NEK8: variants seen among roughly 807,000 people sequenced by gnomAD.
NEK8 encodes the protein serine/threonine-protein kinase Nek8.
A neutral mutation model predicts 77.2 loss-of-function variants in NEK8; 51 were observed. The observed-to-expected ratio is 0.66, with a 90% CI of 0.53 to 0.83. The LOEUF is 0.83. Ranked by LOEUF, NEK8 falls within the 40% of genes least tolerant of loss-of-function variation. The pLI, the probability that NEK8 is intolerant of heterozygous loss-of-function variation, is 0.00. For missense variants in NEK8, 787 were observed against 909.2 expected (o/e 0.87, Z 1.73); for synonymous variants, 365 against 363.2 (o/e 1.00, Z -0.06).
chr17:28,732,545 CTTTTTTTTT>C (rs1054257308), intron 1 of NEK8, among the ~76,000 whole-genome samples: 1 of 77,912 alleles, frequency 1.3e-5, no homozygotes. Context: ...TTTTTCTTTT[CTTTTTTTTT>C]TTTTTTTTTT....
intron 7 of NEK8, 30 bp from the exon 8 acceptor site, chr17:28,738,065 C>A: frequency 1.2e-6 from 2 of 1,612,656 alleles, no homozygotes; most frequent in Admixed American, 1.7e-5. Flanking sequence ...TTGGGGTGCT[C>A]AGGCGCTGCC....
intron 1 of NEK8, among the ~76,000 whole-genome samples, chr17:28,733,426 A>G (rs369381675): frequency 1.2e-4 from 19 of 152,200 alleles, no homozygotes; most frequent in African/African-American, 4.3e-4. Context: ...CACTCATTCA[A>G]CAAATACTTA....
chr17:28,737,638 G>T lies in NEK8; in HGVS notation c.828-37G>T. On this transcript the variant is annotated intron_variant, in intron 5 of 14. Transcript: ENST00000268766. The surrounding 1 kb of genome is among the most constrained non-coding windows in gnomAD (Gnocchi z 4.8). The stretch of plus-strand genomic sequence containing the variant: ...CCCTTCCTGCATGTAGGAATGTCAG[G>T]AGGGTCTTTGTCCTTAGGCCCCCAT... The T allele has an allele frequency of 4.3e-6, 7 of 1,614,192 alleles. No homozygotes were observed. The highest frequency in any genetic ancestry group is 5.9e-6 in the Non-Finnish European group (7 of 1,180,018).
chr17:28,736,645 A>T (rs898755770), intron 4 of NEK8, among the ~76,000 whole-genome samples: 6 of 151,960 alleles, frequency 3.9e-5, no homozygotes, highest in Non-Finnish European at 8.8e-5. Flanking sequence ...AATTTGTTTG[A>T]GTTCTTTGTA....
intron 1 of NEK8, among the ~76,000 whole-genome samples, chr17:28,731,278 G>A (rs12948278): frequency 0.52 from 79,450 of 151,554 alleles, 24,537 homozygotes; most frequent in Non-Finnish European, 0.68. Flanking sequence ...TGGGGGTCAT[G>A]CCTGTAATCC....
intron 1 of NEK8, among the ~76,000 whole-genome samples, chr17:28,731,660 G>A (rs1478381629): frequency 6.6e-6 from 1 of 150,702 alleles, no homozygotes; most frequent in East Asian, 2.0e-4. Flanking sequence ...CTAGAGTGCA[G>A]TGGCACCATC....
chr17:28,733,538 T>C (rs1017980816), intron 1 of NEK8, among the ~76,000 whole-genome samples: 1 of 147,782 alleles, frequency 6.8e-6, no homozygotes, highest in Non-Finnish European at 1.6e-5. Flanking sequence ...ACCACAGAAT[T>C]AAAATAAAAT....
intron 1 of NEK8, among the ~76,000 whole-genome samples, chr17:28,733,576 G>A (rs1039260102): frequency 2.6e-5 from 4 of 152,174 alleles, no homozygotes; most frequent in South Asian, 2.1e-4. Flanking sequence ...TTCATTGAGC[G>A]TTTTCTTTGT....
chr17:28,734,561 G>A (rs2034342549), intron 2 of NEK8: 1 of 591,674 alleles, frequency 1.7e-6, no homozygotes, highest in Non-Finnish European at 3.0e-6. Context: ...GCAGGCACCT[G>A]TAGTCCCAGC....
chr17:28,730,846 A>G (rs2151730535), intron 1 of NEK8, among the ~76,000 whole-genome samples: 1 of 152,192 alleles, frequency 6.6e-6, no homozygotes, highest in African/African-American at 2.4e-5. Flanking sequence ...TCACTTGAGC[A>G]TGGGAGGTGG....
chr17:28,733,534 G>T (rs1201964013), intron 1 of NEK8, among the ~76,000 whole-genome samples: 2 of 152,104 alleles, frequency 1.3e-5, no homozygotes, highest in Non-Finnish European at 2.9e-5. Context: ...ACTAACCACA[G>T]AATTAAAATA....
chr17:28,737,239 G>T lies in NEK8; in HGVS notation c.619-67G>T. ...AGGCAAAGCTGTTATTATCCCAGGA[G>T]ACCAGGGGCTGGAGCTGGGGGGTGC... On this transcript the variant is annotated intron_variant, in intron 4 of 14. Coordinates refer to ENST00000268766, the MANE Select transcript of NEK8 (RefSeq NM_178170.3). This position sits in a 1 kb window ranked among gnomAD's most constrained non-coding sequence, Gnocchi z 4.8. The T allele has an allele frequency of 1.3e-6, 2 of 1,498,976 alleles. No individual in the cohort carries two copies. Among genetic ancestry groups the T allele is most frequent in the South Asian group, 1.2e-5 (1 of 83,122 alleles). The allele number at this position is 1,498,976 out of a possible 1,614,324, so 92.9% of individuals were successfully genotyped here. A position where few individuals can be genotyped will look rare whatever the true frequency, so the allele number is the denominator to read the frequency against.
Position 28,737,432 on chromosome 17 carries a change from C to G in NEK8, c.745C>G (p.Leu249Val). Reference sequence around the variant, plus strand: ...CCTGGAGCCTGCCCAGCGGCCACCACTCAGCCACATCATGGCACAGCCCCT... The same window carrying G: ...CCTGGAGCCTGCCCAGCGGCCACCAGTCAGCCACATCATGGCACAGCCCCT... Reference protein sequence around the residue: ...LSLEPAQRPPLSHIMAQPLCI... With the variant: ...LSLEPAQRPPVSHIMAQPLCI... The change falls in exon 5 of 15, where the codon CTC becomes GTC. Residue 249 changes from leucine to valine, a missense_variant. Around this residue, in one of 2 missense-constraint regions of NEK8, gnomAD observed 271 missense variants for 365.1 expected, o/e 0.74. Coordinates refer to ENST00000268766, the MANE Select transcript of NEK8 (RefSeq NM_178170.3). The surrounding 1 kb of genome is among the most constrained non-coding windows in gnomAD (Gnocchi z 4.8). The G allele has an allele frequency of 6.2e-7, 1 of 1,613,378 alleles. No individual in the cohort carries two copies. The highest frequency in any genetic ancestry group is 8.5e-7 in the Non-Finnish European group (1 of 1,180,024).
Position 28,741,996 on chromosome 17 carries a change from G to T in NEK8, c.*9G>T, listed in dbSNP as rs747845325. 15 of 1,613,828 alleles carry T rather than the reference G, an allele frequency of 9.3e-6. No homozygotes were observed. The Admixed American group carries it at 2.3e-4, about 25-fold the overall frequency. ...AGCCGGTCCCCCCCTGAGGCACCCG[G>T]ATTCACCTCTGGACCACCCTGATAT... On this transcript the variant is annotated 3_prime_UTR_variant, in exon 15 of 15. Coordinates refer to ENST00000268766, the MANE Select transcript of NEK8 (RefSeq NM_178170.3). The surrounding 1 kb of genome is among the most constrained non-coding windows in gnomAD (Gnocchi z 4.5).
chr17:28,729,732 G>C (rs2034288823), intron 1 of NEK8, among the ~76,000 whole-genome samples: 1 of 151,982 alleles, frequency 6.6e-6, no homozygotes, highest in African/African-American at 2.4e-5. Flanking sequence ...TTTTAGTACA[G>C]ATGGGGTTTC....
At chr17:28,735,490 T>G in intron 4 of NEK8, 119 bp downstream of exon 4, 2 of 1,172,602 alleles carry the variant, frequency 1.7e-6, no homozygotes, top group South Asian at 1.4e-5. Flanking sequence ...CTTATCAGAT[T>G]ACCCCAGGGG....
chr17:28,741,677 C>T lies in NEK8; in HGVS notation c.2050+106C>T, dbSNP rs1403526891. On this transcript the variant is annotated intron_variant, in intron 14 of 14. Transcript: ENST00000268766. This position sits in a 1 kb window ranked among gnomAD's most constrained non-coding sequence, Gnocchi z 4.5. ...CCACATCACCAAAAGCATCTTTAGC[C>T]CCCAGATAAAAAAAGCAGAAGCTGC... The T allele has an allele frequency of 1.5e-6, 2 of 1,356,560 alleles. No homozygotes were observed. The highest frequency in any genetic ancestry group is 1.1e-6 in the Non-Finnish European group (1 of 952,004). 84.0% of individuals were successfully genotyped at this position (1,356,560 alleles called of 1,614,324 possible). A position where few individuals can be genotyped will look rare whatever the true frequency, so the allele number is the denominator to read the frequency against.
Position 28,735,339 on chromosome 17 carries a change from C to A in NEK8, c.586C>A (p.Leu196Met), listed in dbSNP as rs758136571. 6.2e-7 allele frequency: 1 copy of A among 1,614,042 alleles called. No individual in the cohort carries two copies. Among genetic ancestry groups the A allele is most frequent in the Non-Finnish European group, 8.5e-7 (1 of 1,179,958 alleles). ...GGCCCTGGGCTGTGTCCTCTACGAG[C>A]TGGCCAGCCTCAAGAGGGCTTTCGA... ...IWALGCVLYE[L>M]ASLKRAFEAA... The change falls in exon 4 of 15, where the codon CTG becomes ATG. Residue 196 changes from leucine to methionine, a missense_variant. By Grantham distance (15) the Leu-to-Met change is conservative (BLOSUM62 2). Coordinates refer to ENST00000268766, the MANE Select transcript of NEK8 (RefSeq NM_178170.3).
intron 2 of NEK8, 183 bp downstream of exon 2, chr17:28,734,371 A>C: frequency 1.6e-6 from 1 of 639,710 alleles, no homozygotes. Context: ...TCCATACATA[A>C]AAGGAGAGGG....
Sources: gnomAD v4.1 joint callset for allele counts (sites outside exome capture counted in the v4.1 genomes callset) on GRCh38, gnomAD v4.1.1 for gene constraint, gnomAD v4.1.1 regional missense constraint, Gnocchi (gnomAD v3.1) non-coding constraint, MANE v1.5 for transcripts, NCBI Gene and HGNC (gene_info 2026-07-23, HGNC 2026-07-21) for gene names.